The following KLRF1 variants were observed in gnomAD, a reference collection of about 807,000 sequenced individuals.
KLRF1 encodes killer cell lectin-like receptor subfamily F member 1.
Under a neutral mutation model 30.7 loss-of-function variants are expected in KLRF1, and 27 were observed. The ratio of observed to expected loss-of-function variants is 0.88; its 90% CI spans 0.65 to 1.21. KLRF1 has a LOEUF of 1.21. KLRF1 is among the 50% of genes most tolerant of loss of function. The probability of loss-of-function intolerance (pLI) is 0.00; values close to 1 mark genes in which losing one functional copy is unlikely to be tolerated. For synonymous variants in KLRF1, 92 were observed against 89.3 expected (o/e 1.03, Z -0.17); for missense variants, 246 against 259.3 (o/e 0.95, Z 0.35).
At chr12:9,800,938 A>G in the KLRF1 span, among the ~76,000 whole-genome samples, 1,251 of 152,044 alleles carry the variant, frequency 8.2e-3, 14 homozygotes, top group African/African-American at 0.028. Flanking sequence ...CTATCAACCC[A>G]CTATCTAGGT....
Position 9,833,293 on chromosome 12 carries a change from T to C in KLRF1, c.185-10T>C. On this transcript the variant is annotated splice_polypyrimidine_tract_variant and intron_variant, in intron 2 of 5. Transcript: ENST00000617889. ...TATTTACCTAACCTTAAAATAGTCCTGTATTCAAGTTTCTCAGGGAGTATT... is the reference window on the plus strand; with the variant it reads ...TATTTACCTAACCTTAAAATAGTCCCGTATTCAAGTTTCTCAGGGAGTATT... 6.3e-6 allele frequency: 10 copies of C among 1,577,224 alleles called. No individual in the cohort carries two copies. The highest frequency in any genetic ancestry group is 8.6e-6 in the Non-Finnish European group (10 of 1,162,714).
chr12:9,803,650 A>C, the KLRF1 span, among the ~76,000 whole-genome samples: 4 of 151,836 alleles, frequency 2.6e-5, no homozygotes, highest in Admixed American at 6.6e-5. Flanking sequence ...TCTTCTTCTT[A>C]TTTTTTGCTT....
chr12:9,841,825 A>T lies in KLRF1; in HGVS notation c.348A>T (p.Ser116=). The change falls in exon 4 of 6, where the codon TCA becomes TCT. Residue 116 remains serine (S), a synonymous_variant. Transcript: ENST00000617889. ...RSADQTVLCQ[S]EWLKYQGKCY... is the part of the protein sequence containing the mutation. ...ATTTCTCTGTAGTACTATGCCAATC[A>T]GAATGGCTCAAATACCAAGGGAAGT... 1 of 1,606,672 alleles carries T rather than the reference A, an allele frequency of 6.2e-7. No individual in the cohort carries two copies. The highest frequency in any genetic ancestry group is 8.5e-7 in the Non-Finnish European group (1 of 1,174,340).
chr12:9,819,307 G>A, the KLRF1 span, among the ~76,000 whole-genome samples: 2,872 of 152,202 alleles, frequency 0.019, 78 homozygotes, highest in African/African-American at 0.061. Context: ...GGGATTGTCC[G>A]CAGGCCCTGC....
At chr12:9,819,754 G>A in the KLRF1 span, among the ~76,000 whole-genome samples, 5 of 152,202 alleles carry the variant, frequency 3.3e-5, no homozygotes, top group African/African-American at 1.2e-4. Flanking sequence ...AGGGACTGGA[G>A]TGGTCCCCTG....
At chr12:9,826,728 G>A (rs988866618), upstream of KLRF1, among the ~76,000 whole-genome samples, 5 of 152,160 alleles carry the variant, frequency 3.3e-5, no homozygotes, top group Non-Finnish European at 5.9e-5. Flanking sequence ...CAGGAACATA[G>A]ATGAAGCTAG....
intron 5 of KLRF1, among the ~76,000 whole-genome samples, chr12:9,842,751 C>A (rs764029231): frequency 1.1e-4 from 16 of 151,962 alleles, no homozygotes; most frequent in Non-Finnish European, 1.6e-4. Context: ...AACCAATGTG[C>A]ATTTTTTGTG....
chr12:9,843,463 A>G (rs746288777), intron 5 of KLRF1, among the ~76,000 whole-genome samples: 2 of 152,194 alleles, frequency 1.3e-5, no homozygotes, highest in African/African-American at 2.4e-5. Flanking sequence ...CCTTATTTCT[A>G]TTCATCATTA....
the KLRF1 span, among the ~76,000 whole-genome samples, chr12:9,818,316 A>T: frequency 6.6e-6 from 1 of 152,178 alleles, no homozygotes; most frequent in African/African-American, 2.4e-5. Context: ...GTACCTGTCC[A>T]TGTCTGGTCT....
the KLRF1 span, among the ~76,000 whole-genome samples, chr12:9,821,883 A>G: frequency 1.1e-4 from 17 of 152,336 alleles, no homozygotes; most frequent in African/African-American, 3.6e-4. Flanking sequence ...ATCACATCCC[A>G]AAGCTTTAAT....
chr12:9,810,785 T>C, the KLRF1 span, among the ~76,000 whole-genome samples: 1 of 152,224 alleles, frequency 6.6e-6, no homozygotes, highest in Admixed American at 6.5e-5. Flanking sequence ...AGTGAGAATT[T>C]TTTTTATGAA....
the KLRF1 span, among the ~76,000 whole-genome samples, chr12:9,809,368 A>T: frequency 3.3e-5 from 5 of 152,174 alleles, no homozygotes; most frequent in African/African-American, 9.7e-5. Flanking sequence ...GATTGTTTCA[A>T]ACCATCTTAA....
intron 5 of KLRF1, among the ~76,000 whole-genome samples, chr12:9,844,063 C>T (rs1008673917): frequency 1.3e-5 from 2 of 152,048 alleles, no homozygotes; most frequent in African/African-American, 2.4e-5. Flanking sequence ...TATTATCGTT[C>T]TTATACAATT....
intron 3 of KLRF1, among the ~76,000 whole-genome samples, chr12:9,839,668 T>C (rs1867660720): frequency 6.6e-6 from 1 of 151,798 alleles, no homozygotes; most frequent in Non-Finnish European, 1.5e-5. Context: ...AAAACCAGGG[T>C]GGAAAGCCAC....
the KLRF1 span, among the ~76,000 whole-genome samples, chr12:9,811,046 G>C: frequency 6.6e-6 from 1 of 152,060 alleles, no homozygotes; most frequent in South Asian, 2.1e-4. Flanking sequence ...AGTGTTTCCT[G>C]TGGGCCGGAT....
the KLRF1 span, among the ~76,000 whole-genome samples, chr12:9,814,031 C>T: frequency 1.3e-5 from 2 of 152,158 alleles, no homozygotes; most frequent in African/African-American, 2.4e-5. Flanking sequence ...CCTGGAGCCC[C>T]GCAGACATCC....
chr12:9,800,969 G>A, the KLRF1 span, among the ~76,000 whole-genome samples: 1 of 151,916 alleles, frequency 6.6e-6, no homozygotes, highest in Non-Finnish European at 1.5e-5. Context: ...ACATGCATTA[G>A]CTATTTGTCC....
rs749708808 is a variant in KLRF1 at position 9,833,346 on chromosome 12, A to C, written c.228A>C (p.Ser76=). The change falls in exon 3 of 6, where the codon TCA becomes TCC. Residue 76 remains serine (S), a synonymous_variant. Transcript: ENST00000617889. ...TAAAATGCCAAAAAGGAAGTTGTTCAAATGCCACTCAGTATGAGGACACTG... is the reference window on the plus strand; with the variant it reads ...TAAAATGCCAAAAAGGAAGTTGTTCCAATGCCACTCAGTATGAGGACACTG... ...VLLKCQKGSC[S]NATQYEDTGD... The C allele has an allele frequency of 1.2e-6, 2 of 1,607,488 alleles. No homozygotes were observed. The highest frequency in any genetic ancestry group is 1.7e-6 in the Non-Finnish European group (2 of 1,177,382).
At chr12:9,822,118 T>A in the KLRF1 span, among the ~76,000 whole-genome samples, 32 of 152,130 alleles carry the variant, frequency 2.1e-4, no homozygotes, top group Non-Finnish European at 4.1e-4. Context: ...GTTTCTTATG[T>A]CCTCCAAATG....
Sources: allele counts gnomAD v4.1 joint callset (sites outside exome capture counted in the v4.1 genomes callset), GRCh38; gene constraint gnomAD v4.1.1; transcripts MANE v1.5; gene names NCBI Gene and HGNC (gene_info 2026-07-23, HGNC 2026-07-21).